Variants in CDH23 observed in about 807,000 individuals in gnomAD.
CDH23 encodes the protein cadherin-23.
CDH23 carries 189 observed loss-of-function variants against 317.1 expected under a neutral mutation model. That is an observed-to-expected ratio of 0.60 (90% CI 0.53 to 0.67). The LOEUF (loss-of-function observed/expected upper bound fraction) is 0.67. CDH23 is among the 30% of genes least tolerant of loss of function. The pLI, the probability that CDH23 is intolerant of heterozygous loss-of-function variation, is 0.00. For synonymous variants in CDH23, 1,839 were observed against 1,876.8 expected (o/e 0.98, Z 0.52); for missense variants, 4,401 against 4,592.4 (o/e 0.96, Z 1.20).
intron 28 of CDH23, chr10:71,714,992 C>G (rs1036745963): frequency 9.2e-5 from 14 of 152,298 alleles, no homozygotes; most frequent in African/African-American, 2.9e-4. Context: ...ATCAGCAAAG[C>G]ACTCACCAAA....
At position 71,724,050 on chromosome 10, in the gene CDH23, A is replaced by G. The variant is rs1216068719; in HGVS notation, c.3375A>G (p.Lys1125=). ...IPEGHSILQL[K]ATDADEGEFG... ...CGTGTCTCATTCTTCCTCAGCTGAA[A>G]GCCACGGACGCAGATGAGGGCGAGT... The change falls in exon 29 of 70, where the codon AAA becomes AAG. Residue 1125 remains lysine (K), a synonymous_variant. Coordinates refer to ENST00000224721, the MANE Select transcript of CDH23 (RefSeq NM_022124.6). 1.3e-6 allele frequency: 2 copies of G among 1,559,258 alleles called. No individual in the cohort carries two copies. Among genetic ancestry groups the G allele is most frequent in the South Asian group, 1.2e-5 (1 of 84,432 alleles).
chr10:71,431,154 C>A (rs1426092983), intron 1 of CDH23, among the ~76,000 whole-genome samples: 2 of 152,166 alleles, frequency 1.3e-5, no homozygotes, highest in South Asian at 4.1e-4. Context: ...TTACTACGTC[C>A]GTACACTGCT....
Position 71,805,980 on chromosome 10 carries a change from T to C in CDH23, c.8047T>C (p.Ser2683Pro). 1 of 1,531,146 alleles carries C rather than the reference T, an allele frequency of 6.5e-7. No homozygotes were observed. The highest frequency in any genetic ancestry group is 8.8e-7 in the Non-Finnish European group (1 of 1,131,590). 94.8% of individuals were successfully genotyped at this position (1,531,146 alleles called of 1,614,324 possible). A position where few individuals can be genotyped will look rare whatever the true frequency, so the allele number is the denominator to read the frequency against. Residue 2683 changes from serine (S) to proline (P), a missense_variant, in exon 56 of 70, where the codon TCG becomes CCG. By Grantham distance (74) the Ser-to-Pro change is moderately conservative (BLOSUM62 -1). Around this residue, in one of 3 missense-constraint regions of CDH23, gnomAD observed 1,144 missense variants for 1,138.2 expected, o/e 1.01. Coordinates refer to ENST00000224721, the MANE Select transcript of CDH23 (RefSeq NM_022124.6). ...GACTGCTCAGCGCCTGGACCGCGAG[T>C]CGCAGGCGGTGTACAGCGTAAGGGC... ...IQTAQRLDRE[S>P]QAVYSLILVA...
intron 3 of CDH23, among the ~76,000 whole-genome samples, chr10:71,456,438 T>G (rs1850701135): frequency 7.0e-6 from 1 of 142,508 alleles, no homozygotes; most frequent in African/African-American, 3.1e-5. Flanking sequence ...TGGGGGTCCT[T>G]TGGGCTGTAG....
intron 39 of CDH23, 130 bp from the exon 40 acceptor site, chr10:71,778,059 C>G (rs992225799): frequency 4.7e-5 from 68 of 1,458,378 alleles, no homozygotes; most frequent in Middle Eastern, 1.7e-4. Context: ...TGGAGTGGAG[C>G]CTGGGCTAGG....
At chr10:71,716,073 G>A (rs1866212100) in intron 28 of CDH23, 1 of 1,518,850 alleles carries the variant, frequency 6.6e-7, no homozygotes, top group Non-Finnish European at 8.9e-7. Flanking sequence ...CGCTTCCAGA[G>A]CCGGAGCTGG....
intron 1 of CDH23, among the ~76,000 whole-genome samples, chr10:71,412,716 G>A (rs986897338): frequency 8.5e-5 from 13 of 152,204 alleles, no homozygotes; most frequent in African/African-American, 3.1e-4. Flanking sequence ...TGGGTGTGAA[G>A]TGGTATCTCA....
intron 55 of CDH23, among the ~76,000 whole-genome samples, chr10:71,804,157 G>GGACA (rs987902284): frequency 6.6e-6 from 1 of 151,976 alleles, no homozygotes; most frequent in Non-Finnish European, 1.5e-5. Context: ...CTACCAAAAA[G>GGACA]GACAGACTCC....
At chr10:71,803,594 G>A (rs1381767626) in intron 55 of CDH23, among the ~76,000 whole-genome samples, 174 bp downstream of exon 55, 2 of 152,016 alleles carry the variant, frequency 1.3e-5, no homozygotes, top group East Asian at 3.8e-4. Context: ...GGAAAACTGA[G>A]GCCGGAGAAG....
At chr10:71,582,765 G>T (rs1444252621) in intron 9 of CDH23, among the ~76,000 whole-genome samples, 1 of 152,188 alleles carries the variant, frequency 6.6e-6, no homozygotes, top group Non-Finnish European at 1.5e-5. Flanking sequence ...TTGACCGAGG[G>T]CCTTCCCTGG....
chr10:71,427,579 T>A (rs1849162397), intron 1 of CDH23, among the ~76,000 whole-genome samples: 1 of 152,202 alleles, frequency 6.6e-6, no homozygotes, highest in African/African-American at 2.4e-5. Flanking sequence ...TGGTTTGTTT[T>A]CATGTTTTGG....
At chr10:71,574,749 G>A (rs1039048565) in intron 8 of CDH23, among the ~76,000 whole-genome samples, 4 of 152,186 alleles carry the variant, frequency 2.6e-5, no homozygotes, top group Non-Finnish European at 5.9e-5. Flanking sequence ...ACAGAGGGAA[G>A]AGAAGTCCAG....
chr10:71,436,206 G>A (rs1221034928), intron 1 of CDH23, among the ~76,000 whole-genome samples: 2 of 152,248 alleles, frequency 1.3e-5, no homozygotes, highest in African/African-American at 4.8e-5. Flanking sequence ...TGCAGAATTA[G>A]GGTTGTGTGC....
chr10:71,606,612 G>T (rs1860539796), intron 9 of CDH23, among the ~76,000 whole-genome samples: 1 of 152,208 alleles, frequency 6.6e-6, no homozygotes, highest in South Asian at 2.1e-4. Context: ...AACCAGTCCT[G>T]CCCTCCTGGG....
intron 3 of CDH23, among the ~76,000 whole-genome samples, chr10:71,472,791 C>G (rs1242755550): frequency 6.6e-6 from 1 of 152,164 alleles, no homozygotes; most frequent in Non-Finnish European, 1.5e-5. Flanking sequence ...ATCTATTAAG[C>G]CTGCTGAGTG....
Position 71,495,831 on chromosome 10 carries a change from A to G in CDH23, c.146-14251A>G, listed in dbSNP as rs1004505191. On this transcript the variant is annotated intron_variant, in intron 3 of 69. Coordinates refer to ENST00000224721, the MANE Select transcript of CDH23 (RefSeq NM_022124.6). Reference sequence around the variant, plus strand: ...TTTGGAAAAAAAAAAAAAGAAAGAAAGAAAGAAAGAAGGAAAGAAAGAAAA... The same window carrying G: ...TTTGGAAAAAAAAAAAAAGAAAGAAGGAAAGAAAGAAGGAAAGAAAGAAAA... Among the ~76,000 whole-genome samples, 187 of 148,510 alleles carry G rather than the reference A, an allele frequency of 1.3e-3. 1 individual carries two copies. The highest frequency in any genetic ancestry group is 0.01 in the South Asian group (49 of 4,764).
chr10:71,653,255 A>G (rs1863263604), intron 14 of CDH23, among the ~76,000 whole-genome samples: 1 of 152,172 alleles, frequency 6.6e-6, no homozygotes, highest in Non-Finnish European at 1.5e-5. Context: ...TGACCCCACA[A>G]GGAAAAGGTG....
chr10:71,783,301 C>T (rs1480121725), intron 41 of CDH23, among the ~76,000 whole-genome samples: 2 of 152,210 alleles, frequency 1.3e-5, no homozygotes, highest in African/African-American at 2.4e-5. Flanking sequence ...GGTTTCCTTC[C>T]CCCTGTCTCT....
intron 6 of CDH23, among the ~76,000 whole-genome samples, chr10:71,527,282 G>T (rs576856925): frequency 6.6e-6 from 1 of 152,238 alleles, no homozygotes; most frequent in Admixed American, 6.5e-5. Context: ...TCTGTCCCGG[G>T]TGTCTCCCTC....
Sources: gnomAD v4.1 joint callset for allele counts (sites outside exome capture counted in the v4.1 genomes callset) on GRCh38, gnomAD v4.1.1 for gene constraint, gnomAD v4.1.1 regional missense constraint, MANE v1.5 for transcripts, NCBI Gene and HGNC (gene_info 2026-07-23, HGNC 2026-07-21) for gene names.